DLGAP2: variants seen among roughly 807,000 people sequenced by gnomAD.
DLGAP2 encodes the protein DLG associated protein 2.
DLGAP2 carries 26 observed loss-of-function variants against 100.3 expected under a neutral mutation model. The observed-to-expected ratio is 0.26, with a 90% CI of 0.19 to 0.36. The LOEUF (loss-of-function observed/expected upper bound fraction) is 0.36, where lower values mean the gene tolerates loss of function less well. Among genes scored for constraint, DLGAP2 ranks in the 10% least tolerant of loss-of-function variants. The pLI is 1.00. For missense variants in DLGAP2, 1,858 were observed against 1,453.2 expected, an observed-to-expected ratio of 1.28 and a Z score of -4.53; for synonymous variants, 886 against 630.1, an observed-to-expected ratio of 1.41 and a Z score of -6.08.
chr8:1,408,532 TC>T (rs938814262), intron 3 of DLGAP2, among the ~76,000 whole-genome samples: 35 of 152,344 alleles, frequency 2.3e-4, no homozygotes, highest in African/African-American at 8.2e-4. Flanking sequence ...GGTGCTGCTC[TC>T]CACTGGGACT....
At chr8:1,383,382 T>A (rs1315833155) in intron 3 of DLGAP2, among the ~76,000 whole-genome samples, 3 of 152,220 alleles carry the variant, frequency 2.0e-5, no homozygotes, top group Non-Finnish European at 4.4e-5. Flanking sequence ...CAATCCTGAA[T>A]GAGAAATGCA....
intron 1 of DLGAP2, among the ~76,000 whole-genome samples, chr8:786,968 A>G (rs943941999): frequency 1.3e-5 from 2 of 152,206 alleles, no homozygotes; most frequent in African/African-American, 2.4e-5. Flanking sequence ...GGCAGAAGGC[A>G]GGTTTGGTCC....
chr8:1,635,486 A>G (rs1797745140), intron 8 of DLGAP2, among the ~76,000 whole-genome samples: 2 of 152,208 alleles, frequency 1.3e-5, no homozygotes, highest in Admixed American at 1.3e-4. Flanking sequence ...TTACTGATCC[A>G]TGTATACATG....
At chr8:1,173,977 C>A (rs189291897) in intron 2 of DLGAP2, among the ~76,000 whole-genome samples, 1 of 152,156 alleles carries the variant, frequency 6.6e-6, no homozygotes, top group Non-Finnish European at 1.5e-5. Context: ...GTGTCGCTCA[C>A]GCTGGGAGCT....
intron 8 of DLGAP2, among the ~76,000 whole-genome samples, chr8:1,638,663 T>A (rs1398864966): frequency 6.6e-6 from 1 of 152,104 alleles, no homozygotes. Flanking sequence ...GGCTCCCGGC[T>A]GAGCTCTGGG....
chr8:975,223 C>G (rs932427925), intron 2 of DLGAP2, among the ~76,000 whole-genome samples: 13 of 152,164 alleles, frequency 8.5e-5, no homozygotes, highest in African/African-American at 2.2e-4. Flanking sequence ...AGGCCTATAT[C>G]TATTAAAGAA....
At chr8:1,606,456 C>T (rs1796803055) in intron 6 of DLGAP2, among the ~76,000 whole-genome samples, 1 of 152,148 alleles carries the variant, frequency 6.6e-6, no homozygotes, top group South Asian at 2.1e-4. Flanking sequence ...TGCATTCTCC[C>T]TGTCGTGGCC....
intron 2 of DLGAP2, among the ~76,000 whole-genome samples, chr8:968,163 G>A (rs1043399042): frequency 2.0e-5 from 3 of 151,910 alleles, no homozygotes; most frequent in Non-Finnish European, 4.4e-5. Flanking sequence ...TTCTGTTTAT[G>A]TTGTAACTTG....
intron 3 of DLGAP2, among the ~76,000 whole-genome samples, chr8:1,446,118 G>C (rs1255657673): frequency 2.0e-5 from 3 of 151,822 alleles, no homozygotes; most frequent in Non-Finnish European, 4.4e-5. Context: ...TGTCAATTTT[G>C]GCTTTTGTTG....
Position 968,497 on chromosome 8 carries a change from C to T in DLGAP2, c.73+60531C>T, listed in dbSNP as rs550428603. 9.2e-4 allele frequency among the ~76,000 whole-genome samples: 140 copies of T among 152,266 alleles called. 2 individuals carry two copies. The South Asian group carries it at 0.028, about 30-fold the overall frequency. ...ATTCCTCCAGGTCCTTGCATTCACT[C>T]GTGCACTTCTACTAGAAGACGGGGC... On this transcript the variant is annotated intron_variant, in intron 2 of 14. Transcript: ENST00000637795.
At chr8:940,066 A>C (rs927548093) in intron 2 of DLGAP2, among the ~76,000 whole-genome samples, 1 of 152,050 alleles carries the variant, frequency 6.6e-6, no homozygotes, top group Non-Finnish European at 1.5e-5. Context: ...TATGGAGTGC[A>C]GTAGGGTGCT....
intron 1 of DLGAP2, among the ~76,000 whole-genome samples, chr8:907,362 TTC>T (rs1798401907): frequency 6.6e-6 from 1 of 152,230 alleles, no homozygotes; most frequent in Non-Finnish European, 1.5e-5. Flanking sequence ...GGGAAAGCCA[TTC>T]TCTGTTATTT....
At chr8:1,189,662 G>A (rs1487361177) in intron 2 of DLGAP2, among the ~76,000 whole-genome samples, 1 of 152,222 alleles carries the variant, frequency 6.6e-6, no homozygotes, top group Non-Finnish European at 1.5e-5. Context: ...AAACGGGATG[G>A]ATCAATGACA....
intron 3 of DLGAP2, among the ~76,000 whole-genome samples, chr8:1,338,647 T>A (rs1298948924): frequency 6.6e-6 from 1 of 152,206 alleles, no homozygotes; most frequent in Non-Finnish European, 1.5e-5. Flanking sequence ...GTCTTTATTT[T>A]AAAAATCTAA....
chr8:1,627,516 T>C (rs1470337126), intron 7 of DLGAP2, among the ~76,000 whole-genome samples: 1 of 152,268 alleles, frequency 6.6e-6, no homozygotes, highest in Admixed American at 6.5e-5. Flanking sequence ...TCGGCAAGTG[T>C]CCTTCAGTCT....
chr8:1,007,001 G>A (rs137977669), intron 2 of DLGAP2, among the ~76,000 whole-genome samples: 151 of 151,526 alleles, frequency 1.0e-3, no homozygotes, highest in East Asian at 5.5e-3. Context: ...CCTTTATCAC[G>A]TCAGGGACAC....
intron 7 of DLGAP2, among the ~76,000 whole-genome samples, chr8:1,628,469 T>C (rs543534356): frequency 2.7e-4 from 33 of 124,486 alleles, no homozygotes; most frequent in Admixed American, 5.3e-4. Flanking sequence ...ATTAAGAGCC[T>C]GAGCTGACCT....
chr8:920,404 G>A (rs1798683514), intron 2 of DLGAP2, among the ~76,000 whole-genome samples: 1 of 152,196 alleles, frequency 6.6e-6, no homozygotes, highest in Admixed American at 6.5e-5. Flanking sequence ...CCCTTTCTAC[G>A]GAGCAGAGTT....
intron 3 of DLGAP2, among the ~76,000 whole-genome samples, chr8:1,454,065 CAA>C (rs1270513585): frequency 1.3e-5 from 2 of 152,196 alleles, no homozygotes; most frequent in Non-Finnish European, 2.9e-5. Context: ...TGACAGATCG[CAA>C]AGTTGAAATC....
Sources: allele counts gnomAD v4.1 joint callset (sites outside exome capture counted in the v4.1 genomes callset), GRCh38; gene constraint gnomAD v4.1.1; transcripts MANE v1.5; gene names NCBI Gene and HGNC (gene_info 2026-07-23, HGNC 2026-07-21).